Variants in TP63 observed in about 807,000 individuals in gnomAD.
The protein encoded by TP63 is tumor protein p63, also known as tumor protein 63.
TP63 carries 17 observed loss-of-function variants against 82.8 expected under a neutral mutation model. The observed-to-expected ratio is 0.21, with a 90% CI of 0.14 to 0.31. TP63 has a LOEUF of 0.31. Among genes scored for constraint, TP63 ranks in the 10% least tolerant of loss-of-function variants. TP63 has a pLI of 1.00. For synonymous variants in TP63, 330 were observed against 321.7 expected, an observed-to-expected ratio of 1.03 and a Z score of -0.28; for missense variants, 648 against 895.3, an observed-to-expected ratio of 0.72 and a Z score of 3.52.
chr3:189,886,422 GGTA>G lies in TP63; in HGVS notation c.1379_1381del (p.Gly460_Asn461delinsAsp). ...CTCAATACAGTCTCCATCTTCATAT[GGTA>G]ACAGCTCCCCACCTCTGAACAAAAT... On this transcript the variant is annotated inframe_deletion, in exon 11 of 14. Transcript: ENST00000264731. 6.2e-7 allele frequency: 1 copy of G among 1,614,058 alleles called. No homozygotes were observed. Among genetic ancestry groups the G allele is most frequent in the Non-Finnish European group, 8.5e-7 (1 of 1,179,986 alleles).
intron 3 of TP63, among the ~76,000 whole-genome samples, chr3:189,792,209 C>G (rs904396729): frequency 1.3e-5 from 2 of 151,776 alleles, no homozygotes; most frequent in African/African-American, 2.4e-5. Context: ...GGAAATGGTC[C>G]GGAAGGGAGG....
chr3:189,867,343 C>T lies in TP63; in HGVS notation c.883-490C>T, dbSNP rs368951792. On this transcript the variant is annotated intron_variant, in intron 6 of 13. Transcript: ENST00000264731. ...CTCTCTAGGCTTCAGTTGCCTTACC[C>T]GTACGTATGTACTTTGGACTAGATT... is the stretch of plus-strand genomic sequence containing the variant. Among the ~76,000 whole-genome samples the T allele has an allele frequency of 6.1e-4, 93 of 152,226 alleles. 1 individual carries two copies. In the South Asian group the frequency reaches 0.018, roughly 30 times the overall value.
At position 189,653,730 on chromosome 3, in the gene TP63, C is replaced by T. The variant is rs76797954; in HGVS notation, c.62+22153C>T. 1.9e-3 allele frequency among the ~76,000 whole-genome samples: 294 copies of T among 152,324 alleles called. 2 individuals carry two copies. Among genetic ancestry groups the T allele is most frequent in the Middle Eastern group, 6.8e-3 (2 of 294 alleles). ...TGTGAATATATGGCACTCAATCTTT[C>T]ATAAACTGCAATTGTTAACCAAAGA... On this transcript the variant is annotated intron_variant, in intron 1 of 13. Transcript: ENST00000264731.
At chr3:189,863,065 T>C (rs767008706) in intron 4 of TP63, among the ~76,000 whole-genome samples, 1 of 152,184 alleles carries the variant, frequency 6.6e-6, no homozygotes, top group Non-Finnish European at 1.5e-5. Flanking sequence ...TTGCCATTAG[T>C]GAGAGTTAGG....
chr3:189,892,997 G>A (rs891951033), intron 13 of TP63, among the ~76,000 whole-genome samples: 5 of 152,038 alleles, frequency 3.3e-5, no homozygotes, highest in Admixed American at 3.3e-4. Flanking sequence ...GCTTCTTCCT[G>A]CGTATTTCTA....
At chr3:189,794,114 T>C (rs935981228) in intron 3 of TP63, among the ~76,000 whole-genome samples, 1 of 152,084 alleles carries the variant, frequency 6.6e-6, no homozygotes, top group African/African-American at 2.4e-5. Flanking sequence ...TTTTTACTTA[T>C]ACTTTTTGAT....
chr3:189,832,379 A>G (rs1185553848), intron 4 of TP63, among the ~76,000 whole-genome samples: 1 of 152,108 alleles, frequency 6.6e-6, no homozygotes, highest in Non-Finnish European at 1.5e-5. Flanking sequence ...TTTCCTTAGT[A>G]TATATCGTTC....
chr3:189,840,511 G>A lies in TP63; in HGVS notation c.580-23721G>A, dbSNP rs144395842. On this transcript the variant is annotated intron_variant, in intron 4 of 13. Coordinates refer to ENST00000264731, the MANE Select transcript of TP63 (RefSeq NM_003722.5). ...GAGAGACAGAGAGAGAGATGGGAGA[G>A]GGTGAGAATACACAGTAAGGACTTG... Among the ~76,000 whole-genome samples, 199 of 151,568 alleles carry A rather than the reference G, an allele frequency of 1.3e-3. 4 individuals carry two copies. Among genetic ancestry groups the A allele is most frequent in the East Asian group, 1.9e-4 (1 of 5,156 alleles).
At chr3:189,693,343 C>G (rs893085387) in intron 1 of TP63, among the ~76,000 whole-genome samples, 1 of 152,164 alleles carries the variant, frequency 6.6e-6, no homozygotes, top group African/African-American at 2.4e-5. Flanking sequence ...AGAATGATTT[C>G]AGATTGAGGA....
At chr3:189,872,208 G>A (rs1267047871) in intron 9 of TP63, among the ~76,000 whole-genome samples, 3 of 152,034 alleles carry the variant, frequency 2.0e-5, no homozygotes, top group Admixed American at 6.6e-5. Context: ...TCATCTCATC[G>A]CTCCTAAGAG....
chr3:189,786,064 T>C (rs58928883), intron 3 of TP63, among the ~76,000 whole-genome samples: 5,734 of 152,082 alleles, frequency 0.038, 373 homozygotes, highest in East Asian at 0.24. Context: ...TATTTAACTT[T>C]TTCACATAGG....
intron 1 of TP63, among the ~76,000 whole-genome samples, chr3:189,673,998 A>G (rs766382539): frequency 6.6e-6 from 1 of 152,140 alleles, no homozygotes; most frequent in Non-Finnish European, 1.5e-5. Context: ...ACCATAGGCA[A>G]GACTTTGAAT....
At chr3:189,719,382 C>A (rs1236017398) in intron 1 of TP63, among the ~76,000 whole-genome samples, 2 of 152,046 alleles carry the variant, frequency 1.3e-5, no homozygotes, top group Non-Finnish European at 2.9e-5. Context: ...GATTATGTGC[C>A]CATATTCACT....
intron 1 of TP63, among the ~76,000 whole-genome samples, chr3:189,678,281 T>C (rs1435123396): frequency 1.3e-5 from 2 of 152,118 alleles, no homozygotes; most frequent in African/African-American, 4.8e-5. Context: ...TAGTAAAAGA[T>C]GGAGAAGCAG....
intron 1 of TP63, among the ~76,000 whole-genome samples, chr3:189,694,625 A>G (rs1342391843): frequency 1.3e-5 from 2 of 151,850 alleles, no homozygotes; most frequent in African/African-American, 2.4e-5. Flanking sequence ...GCCATTTTCA[A>G]CACATTATAT....
chr3:189,640,554 T>C (rs1276160141), intron 1 of TP63, among the ~76,000 whole-genome samples: 1 of 152,194 alleles, frequency 6.6e-6, no homozygotes, highest in Non-Finnish European at 1.5e-5. Flanking sequence ...CAATCATTTT[T>C]TTCTTGCTGA....
rs781036753 is a variant in TP63, at chr3:189,894,468, A to G, written c.2009A>G (p.Asn670Ser). The change falls in exon 14 of 14, where the codon AAT (asparagine) becomes AGT (serine). Residue 670 changes from asparagine to serine, a missense_variant. Asn to Ser is a conservative substitution (Grantham distance 46, BLOSUM62 1). Around this residue, in one of 5 missense-constraint regions of TP63, gnomAD observed 342 missense variants for 425.7 expected, o/e 0.80. Coordinates refer to ENST00000264731, the MANE Select transcript of TP63 (RefSeq NM_003722.5). ...DFNFDMDARRNKQQRIKEEGE is the reference protein window; with the variant it reads ...DFNFDMDARRSKQQRIKEEGE ...AACTTTGACATGGATGCTCGCCGCA[A>G]TAAGCAACAGCGCATCAAAGAGGAG... The G allele has an allele frequency of 3.1e-6, 5 of 1,613,956 alleles. No individual in the cohort carries two copies. In the South Asian group the frequency reaches 4.4e-5, roughly 14 times the overall value.
chr3:189,732,785 C>A (rs550705874), intron 1 of TP63, among the ~76,000 whole-genome samples: 9 of 151,196 alleles, frequency 6.0e-5, no homozygotes, highest in African/African-American at 2.2e-4. Flanking sequence ...GCTGTAAAAC[C>A]ACAAGAAATA....
rs576530590 is a variant in TP63, at chr3:189,765,433, C to CT, written c.324+26680dup. ...GGCTTTGTAAATATCCTGTCCTCTG[C>CT]TTTTTTTTTTTTTTTTTTTTTGAGA... is the stretch of plus-strand genomic sequence containing the variant. On this transcript the variant is annotated intron_variant, in intron 3 of 13. Transcript: ENST00000264731. Among the ~76,000 whole-genome samples, 130 of 30,084 alleles carry CT rather than the reference C, an allele frequency of 4.3e-3. 35 individuals carry two copies. Among genetic ancestry groups the CT allele is most frequent in the African/African-American group, 0.011 (92 of 8,062 alleles). 19.7% of individuals were successfully genotyped at this position (30,084 alleles called of 152,430 possible). A position where few individuals can be genotyped will look rare whatever the true frequency, so the allele number is the denominator to read the frequency against.
Sources: allele counts gnomAD v4.1 joint callset (sites outside exome capture counted in the v4.1 genomes callset), GRCh38; gene constraint gnomAD v4.1.1; regional missense constraint gnomAD v4.1.1; transcripts MANE v1.5; gene names NCBI Gene and HGNC (gene_info 2026-07-23, HGNC 2026-07-21).